Variants in TCF7L2 observed in about 807,000 individuals in gnomAD.
TCF7L2 encodes the protein transcription factor 7-like 2.
Under a neutral mutation model 77.9 loss-of-function variants are expected in TCF7L2, and 23 were observed. The ratio of observed to expected loss-of-function variants is 0.30; its 90% CI spans 0.21 to 0.42. The LOEUF is 0.42. Ranked by LOEUF, TCF7L2 falls within the 10% of genes least tolerant of loss-of-function variation. TCF7L2 has a pLI of 1.00. For synonymous variants in TCF7L2, 413 were observed against 340.2 expected (o/e 1.21, Z -2.36); for missense variants, 654 against 793.1 (o/e 0.82, Z 2.11).
At chr10:113,033,406 G>A (rs960864872) in intron 4 of TCF7L2, among the ~76,000 whole-genome samples, 2 of 151,748 alleles carry the variant, frequency 1.3e-5, no homozygotes, top group Non-Finnish European at 2.9e-5. Flanking sequence ...CCACAGGCAC[G>A]CGCCACCACA....
chr10:113,126,210 T>TC (rs796366831), intron 5 of TCF7L2: 9 of 151,896 alleles, frequency 5.9e-5, no homozygotes, highest in African/African-American at 1.7e-4. Context: ...GGTTTTTGTA[T>TC]CCCCCCACCT....
intron 4 of TCF7L2, among the ~76,000 whole-genome samples, chr10:112,992,458 C>G (rs1590118435): frequency 6.6e-6 from 1 of 152,158 alleles, no homozygotes; most frequent in Admixed American, 6.5e-5. Context: ...GGTTCGAGTT[C>G]CAGCTCACTG....
intron 4 of TCF7L2, among the ~76,000 whole-genome samples, chr10:112,981,213 TTC>T (rs2040411959): frequency 6.6e-6 from 1 of 152,026 alleles, no homozygotes; most frequent in African/African-American, 2.4e-5. Context: ...GTGAAGCTGT[TTC>T]TCTCTGAAGA....
intron 4 of TCF7L2, among the ~76,000 whole-genome samples, chr10:113,003,325 C>CT (rs2044842604): frequency 6.6e-6 from 1 of 152,222 alleles, no homozygotes; most frequent in South Asian, 2.1e-4. Flanking sequence ...CCACGTGCCC[C>CT]TGGAGACCCT....
At chr10:113,157,154 T>C (rs2072093750) in intron 11 of TCF7L2, among the ~76,000 whole-genome samples, 1 of 152,252 alleles carries the variant, frequency 6.6e-6, no homozygotes, top group Admixed American at 6.5e-5. Flanking sequence ...GTTTTGCTCT[T>C]GTTGCCCAGG....
At chr10:113,118,809 T>A (rs913116021) in intron 5 of TCF7L2, among the ~76,000 whole-genome samples, 4 of 152,092 alleles carry the variant, frequency 2.6e-5, no homozygotes, top group African/African-American at 7.3e-5. Context: ...CGATACTTTG[T>A]ATTACGCTCT....
At chr10:113,014,709 C>T (rs1019617220) in intron 4 of TCF7L2, among the ~76,000 whole-genome samples, 1 of 151,806 alleles carries the variant, frequency 6.6e-6, no homozygotes, top group Non-Finnish European at 1.5e-5. Flanking sequence ...TTGCTTGATC[C>T]CAGGAGGCGG....
At chr10:113,099,915 A>G (rs2061444558) in intron 5 of TCF7L2, among the ~76,000 whole-genome samples, 1 of 152,162 alleles carries the variant, frequency 6.6e-6, no homozygotes, top group South Asian at 2.1e-4. Context: ...GCTTTACAGC[A>G]TCTAAAATCA....
intron 3 of TCF7L2, among the ~76,000 whole-genome samples, chr10:112,960,263 G>A (rs1344651148): frequency 1.3e-5 from 2 of 152,198 alleles, no homozygotes; most frequent in Non-Finnish European, 1.5e-5. Flanking sequence ...TTAGAGCCCA[G>A]TAGTGATTAG....
chr10:113,142,800 G>A (rs933051642), intron 6 of TCF7L2, among the ~76,000 whole-genome samples: 1 of 152,170 alleles, frequency 6.6e-6, no homozygotes, highest in Non-Finnish European at 1.5e-5. Flanking sequence ...AATGGTTATC[G>A]TAAAACATAT....
At chr10:113,009,837 G>A (rs541548179) in intron 4 of TCF7L2, among the ~76,000 whole-genome samples, 1 of 152,322 alleles carries the variant, frequency 6.6e-6, no homozygotes, top group South Asian at 2.1e-4. Context: ...AAGGGGAGAG[G>A]TAAGGGAGAG....
At chr10:113,047,953 G>T (rs565583561) in intron 5 of TCF7L2, among the ~76,000 whole-genome samples, 16 of 152,230 alleles carry the variant, frequency 1.1e-4, no homozygotes, top group Non-Finnish European at 4.4e-5. Context: ...TGTTAACAAG[G>T]TTACTGGAAA....
intron 11 of TCF7L2, among the ~76,000 whole-genome samples, chr10:113,157,497 C>G: frequency 6.6e-6 from 1 of 152,228 alleles, no homozygotes; most frequent in Non-Finnish European, 1.5e-5. Context: ...ACAGCAAACT[C>G]TAAGAGAAGC....
At chr10:113,061,825 T>C (rs1403084216) in intron 5 of TCF7L2, among the ~76,000 whole-genome samples, 1 of 152,218 alleles carries the variant, frequency 6.6e-6, no homozygotes, top group African/African-American at 2.4e-5. Flanking sequence ...GAGTTAAAAG[T>C]TGGCAACGCC....
chr10:113,086,972 G>A (rs2059903705), intron 5 of TCF7L2, among the ~76,000 whole-genome samples: 1 of 151,804 alleles, frequency 6.6e-6, no homozygotes, highest in Admixed American at 6.6e-5. Context: ...GTCTTGAGGG[G>A]GTAATAAACC....
At chr10:113,160,221 G>A (rs1004107038) in intron 12 of TCF7L2, among the ~76,000 whole-genome samples, 3 of 151,900 alleles carry the variant, frequency 2.0e-5, no homozygotes, top group South Asian at 2.1e-4. Context: ...TCGGGTCAGC[G>A]ACAGCAAACC....
chr10:112,987,601 G>A (rs1299882158), intron 4 of TCF7L2: 1 of 152,094 alleles, frequency 6.6e-6, no homozygotes, highest in African/African-American at 2.4e-5. Flanking sequence ...GTGTGATGAT[G>A]AAGCATGGGT....
At chr10:112,966,751 C>T (rs2037008738) in intron 4 of TCF7L2, among the ~76,000 whole-genome samples, 1 of 152,178 alleles carries the variant, frequency 6.6e-6, no homozygotes. Flanking sequence ...CTCCAAACCA[C>T]CTGGCACGGT....
chr10:113,112,396 C>T (rs148003349), intron 5 of TCF7L2, among the ~76,000 whole-genome samples: 111 of 152,278 alleles, frequency 7.3e-4, no homozygotes, highest in African/African-American at 2.6e-3. Flanking sequence ...TGGCATGCAG[C>T]ACCAATCTTG....
Sources: gnomAD v4.1 joint callset for allele counts (sites outside exome capture counted in the v4.1 genomes callset) on GRCh38, gnomAD v4.1.1 for gene constraint, MANE v1.5 for transcripts, NCBI Gene and HGNC (gene_info 2026-07-23, HGNC 2026-07-21) for gene names.